DOCK8: variants seen among roughly 807,000 people sequenced by gnomAD.
The protein encoded by DOCK8 is dedicator of cytokinesis protein 8.
A neutral mutation model predicts 245.6 loss-of-function variants in DOCK8; 141 were observed. That is an observed-to-expected ratio of 0.57 (90% CI 0.50 to 0.66). The LOEUF is 0.66. Among genes scored for constraint, DOCK8 ranks in the 30% least tolerant of loss-of-function variants. DOCK8 has a pLI of 0.00. For missense variants in DOCK8, 2,965 were observed against 2,603.4 expected, an observed-to-expected ratio of 1.14 and a Z score of -3.02; for synonymous variants, 1,168 against 970.2, an observed-to-expected ratio of 1.20 and a Z score of -3.79.
At chr9:414,972 T>C (rs2055922469) in intron 29 of DOCK8, 21 bp downstream of exon 29, 1 of 1,612,336 alleles carries the variant, frequency 6.2e-7, no homozygotes, top group Non-Finnish European at 8.5e-7. Flanking sequence ...TTCTGTTTTC[T>C]TTCTTGGATT....
chr9:284,382 C>T (rs553818917), intron 2 of DOCK8: 1 of 152,210 alleles, frequency 6.6e-6, no homozygotes, highest in African/African-American at 2.4e-5. Flanking sequence ...CAGAGGGACC[C>T]TTGTAAGGAC....
intron 39 of DOCK8, 44 bp downstream of exon 39, chr9:435,019 T>G: frequency 1.9e-6 from 3 of 1,604,556 alleles, no homozygotes; most frequent in Non-Finnish European, 2.5e-6. Flanking sequence ...GGTTCTCAAC[T>G]GGGGCGATTT....
rs10973142 is a variant in DOCK8, at chr9:379,494, T to G, written c.2441-277T>G. On this transcript the variant is annotated intron_variant, in intron 20 of 47. Transcript: ENST00000432829. ...GAGTAGCATCAGTTTACAACCTGGC[T>G]TAGAGAAGGAGGACGTCTGGACAGT... 0.3 allele frequency among the ~76,000 whole-genome samples: 46,268 copies of G among 151,926 alleles called. 7,773 individuals carry two copies. The highest frequency in any genetic ancestry group is 0.44 in the African/African-American group (18,386 of 41,392).
chr9:247,773 G>A (rs758504946), intron 1 of DOCK8, among the ~76,000 whole-genome samples: 4 of 151,928 alleles, frequency 2.6e-5, no homozygotes, highest in South Asian at 2.1e-4. Flanking sequence ...TCCTGACCTC[G>A]TGATCCACCC....
intron 1 of DOCK8, among the ~76,000 whole-genome samples, chr9:241,280 T>C (rs1488951036): frequency 6.6e-6 from 1 of 152,180 alleles, no homozygotes; most frequent in Non-Finnish European, 1.5e-5. Flanking sequence ...CAATACATTA[T>C]TGTTAACTAC....
intron 14 of DOCK8, 60 bp downstream of exon 14, chr9:340,381 G>C: frequency 6.2e-7 from 1 of 1,605,146 alleles, no homozygotes; most frequent in South Asian, 1.1e-5. Context: ...ATAACTTTGG[G>C]AGGCCGAGGC....
rs28535092 is a variant in DOCK8 at position 451,884 on chromosome 9, C to T, written c.5962-127C>T. ...ATATATGTGTGTGTATATATATATA[C>T]ATATATATGCATATACATATACATA... On this transcript the variant is annotated intron_variant, in intron 45 of 47. Coordinates refer to ENST00000432829, the MANE Select transcript of DOCK8 (RefSeq NM_203447.4). 0.2 allele frequency: 30,575 copies of T among 150,954 alleles called. 2,600 individuals are homozygous for T. The highest frequency in any genetic ancestry group is 0.33 in the South Asian group (1,666 of 5,088). The allele number at this position is 150,954 out of a possible 1,614,324, so 9.4% of individuals were successfully genotyped here.
intron 46 of DOCK8, among the ~76,000 whole-genome samples, chr9:454,988 TTCTCCC>T (rs1337499527): frequency 1.3e-5 from 2 of 152,196 alleles, no homozygotes; most frequent in African/African-American, 4.8e-5. Context: ...GAGGCTATCA[TTCTCCC>T]CAGATGGCCT....
At chr9:381,757 C>T (rs989333845) in intron 21 of DOCK8, among the ~76,000 whole-genome samples, 1 of 152,074 alleles carries the variant, frequency 6.6e-6, no homozygotes, top group African/African-American at 2.4e-5. Flanking sequence ...CTCAGGAGTT[C>T]AAGACCAGCC....
chr9:298,143 G>A (rs2049345453), intron 4 of DOCK8, among the ~76,000 whole-genome samples: 1 of 152,128 alleles, frequency 6.6e-6, no homozygotes, highest in Admixed American at 6.5e-5. Flanking sequence ...TTGATTTTAG[G>A]GCCAGGTGGG....
intron 47 of DOCK8, 138 bp from the exon 48 acceptor site, chr9:464,021 T>C (rs922346783): frequency 4.9e-6 from 4 of 822,022 alleles, no homozygotes; most frequent in Non-Finnish European, 6.4e-6. Context: ...CTTTCACTTA[T>C]TATTTGCTGA....
At chr9:396,739 A>G (rs2054475031) in intron 24 of DOCK8, 46 bp from the exon 25 acceptor site, 1 of 1,612,576 alleles carries the variant, frequency 6.2e-7, no homozygotes, top group Admixed American at 1.7e-5. Context: ...TTGTACAAGC[A>G]GGTCACCAAT....
intron 18 of DOCK8, among the ~76,000 whole-genome samples, 193 bp downstream of exon 18, chr9:372,479 C>T (rs1480937141): frequency 2.0e-5 from 3 of 152,188 alleles, no homozygotes; most frequent in Non-Finnish European, 2.9e-5. Flanking sequence ...TCAGAATGTT[C>T]AGTAGACGCA....
intron 5 of DOCK8, among the ~76,000 whole-genome samples, chr9:311,153 C>T (rs1167572761): frequency 3.3e-5 from 5 of 152,100 alleles, no homozygotes; most frequent in South Asian, 4.1e-4. Context: ...GATGTAGTGG[C>T]GGACGCCTGT....
intron 35 of DOCK8, among the ~76,000 whole-genome samples, chr9:429,245 G>A (rs1356861059): frequency 6.6e-6 from 1 of 152,242 alleles, no homozygotes; most frequent in African/African-American, 2.4e-5. Flanking sequence ...GGGATTACAG[G>A]CGTGAGCCCC....
intron 29 of DOCK8, among the ~76,000 whole-genome samples, chr9:416,792 C>G (rs1172079411): frequency 6.6e-6 from 1 of 152,140 alleles, no homozygotes; most frequent in Non-Finnish European, 1.5e-5. Context: ...AAAGGTGAAA[C>G]TAGAGAACTT....
In DOCK8 at chr9:433,940, G is replaced by A. The variant is rs979193408; in HGVS notation, c.4851G>A (p.Gln1617=). 6.2e-7 allele frequency: 1 copy of A among 1,614,148 alleles called. No individual in the cohort carries two copies. The highest frequency in any genetic ancestry group is 8.5e-7 in the Non-Finnish European group (1 of 1,180,012). The part of the protein sequence containing the change: ...LYDTVKMREF[Q]EDPEMLMDLM... ...ACACAGTGAAAATGAGGGAATTTCAGGAAGATCCTGAGATGCTTATGGATC... is the reference window on the plus strand; with the variant it reads ...ACACAGTGAAAATGAGGGAATTTCAAGAAGATCCTGAGATGCTTATGGATC... The change falls in exon 38 of 48, where the codon CAG becomes CAA. Residue 1617 remains glutamine, a synonymous_variant. Transcript: ENST00000432829.
intron 1 of DOCK8, among the ~76,000 whole-genome samples, chr9:258,627 T>A (rs2047837513): frequency 7.0e-6 from 1 of 142,470 alleles, no homozygotes; most frequent in African/African-American, 2.6e-5. Context: ...AGATGGAGTC[T>A]TGCTCTGTTG....
intron 1 of DOCK8, among the ~76,000 whole-genome samples, chr9:230,838 C>G (rs2047098810): frequency 6.6e-6 from 1 of 151,942 alleles, no homozygotes; most frequent in Non-Finnish European, 1.5e-5. Context: ...AAATTTTCTC[C>G]CATTCTGTAG....
Sources: gnomAD v4.1 joint callset for allele counts (sites outside exome capture counted in the v4.1 genomes callset) on GRCh38, gnomAD v4.1.1 for gene constraint, MANE v1.5 for transcripts, NCBI Gene and HGNC (gene_info 2026-07-23, HGNC 2026-07-21) for gene names.